The following SPRYD3 variants were observed in gnomAD, a reference collection of about 807,000 sequenced individuals.
SPRYD3 encodes SPRY domain containing 3, also known as SPRY domain-containing protein 3.
SPRYD3 carries 17 observed loss-of-function variants against 50.1 expected under a neutral mutation model. The observed-to-expected ratio is 0.34, with a 90% confidence interval of 0.23 to 0.51. SPRYD3 has a LOEUF of 0.51. SPRYD3 is among the 20% of genes least tolerant of loss of function. The probability of loss-of-function intolerance (pLI) is 0.97; values close to 1 mark genes in which losing one functional copy is unlikely to be tolerated. For missense variants in SPRYD3, 401 were observed against 591.2 expected (o/e 0.68, Z 3.34); for synonymous variants, 198 against 215.5 (o/e 0.92, Z 0.71).
Position 53,073,287 on chromosome 12 carries a change from G to A in SPRYD3, c.692C>T (p.Thr231Ile). The change falls in exon 6 of 11, where the codon ACT becomes ATT. Residue 231 changes from threonine (T) to isoleucine (I), a missense_variant and splice_region_variant. Transcript: ENST00000301463. ...CCCACCCTCCCACCCGCTACTTACA[G>A]TCCCACAGACTCTGACATCATGTAG... is the stretch of plus-strand genomic sequence containing the variant. ...GRLHDVRVCG[T>I]LLEYLGKGKS... 2.6e-6 allele frequency: 1 copy of A among 381,698 alleles called. No individual in the cohort carries two copies. The allele number at this position is 381,698 out of a possible 1,614,324, so 23.6% of individuals were successfully genotyped here.
chr12:53,068,110 AC>A, intron 7 of SPRYD3, 44 bp downstream of exon 7: 1 of 1,612,010 alleles, frequency 6.2e-7, no homozygotes, highest in Non-Finnish European at 8.5e-7. Flanking sequence ...ACAGCCCCAG[AC>A]CTGAGCAGCT....
At chr12:53,075,320 C>A in intron 3 of SPRYD3, 101 bp from the exon 4 acceptor site, 2 of 1,276,938 alleles carry the variant, frequency 1.6e-6, no homozygotes, top group Non-Finnish European at 2.2e-6. Flanking sequence ...CGCTGAGGCT[C>A]AAAAAGAAAA....
chr12:53,073,256 G>GCCCCCGGGGGGGGGGGGGGCCCCCC, intron 6 of SPRYD3, 30 bp downstream of exon 6: 1 of 424,134 alleles, frequency 2.4e-6, no homozygotes, highest in Non-Finnish European at 4.4e-6. Flanking sequence ...CTCCGACCCA[G>GCCCCCGGGGGGGGGGGGGGCCCCCC]CCCCTCCCAC....
rs1944613178 is a variant in SPRYD3, at chr12:53,079,186, G to A, written c.23+125C>T. 3.0e-6 allele frequency: 3 copies of A among 1,006,668 alleles called. No individual in the cohort carries two copies. The South Asian group carries it at 4.4e-5, about 15-fold the overall frequency. 62.4% of individuals were successfully genotyped at this position (1,006,668 alleles called of 1,614,324 possible). Reference sequence around the variant, plus strand: ...GGCCGAGGGTGCAGCAACAGAAGAAGCCCAGTGACCAGAGCGCAGGGCCCC... The same window carrying A: ...GGCCGAGGGTGCAGCAACAGAAGAAACCCAGTGACCAGAGCGCAGGGCCCC... On this transcript the variant is annotated intron_variant, in intron 1 of 10. Coordinates refer to ENST00000301463, the MANE Select transcript of SPRYD3 (RefSeq NM_032840.3).
At chr12:53,079,192 T>C in intron 1 of SPRYD3, 119 bp downstream of exon 1, 2 of 1,073,088 alleles carry the variant, frequency 1.9e-6, no homozygotes, top group South Asian at 1.4e-5. Flanking sequence ...AGAAGCCCAG[T>C]GACCAGAGCG....
chr12:53,066,011 C>T, intron 10 of SPRYD3, 45 bp from the exon 11 acceptor site: 2 of 1,591,726 alleles, frequency 1.3e-6, no homozygotes, highest in Non-Finnish European at 1.7e-6. Flanking sequence ...AGGCTGTGGC[C>T]TCTTCCCTGA....
At chr12:53,071,435 A>T (rs377305061) in intron 6 of SPRYD3, among the ~76,000 whole-genome samples, 4 of 152,210 alleles carry the variant, frequency 2.6e-5, no homozygotes, top group Non-Finnish European at 5.9e-5. Context: ...ATGAGGTGAG[A>T]GGCAAGTGCC....
rs1592264449 is a variant in SPRYD3, at chr12:53,068,214, C to T, written c.784G>A (p.Glu262Lys). ...TCTCCAGGGTCCACGATCTCCACCT[C>T]GAAGTAGTGGCTGCGGGTGCTGAGT... The part of the protein sequence containing the change: ...HPLSTRSHYF[E>K]VEIVDPGEKC... Residue 262 changes from glutamate (E) to lysine (K), a missense_variant, in exon 7 of 11, where the codon GAG becomes AAG. Coordinates refer to ENST00000301463, the MANE Select transcript of SPRYD3 (RefSeq NM_032840.3). 4 of 1,614,116 alleles carry T rather than the reference C, an allele frequency of 2.5e-6. No homozygotes were observed. The highest frequency in any genetic ancestry group is 1.7e-6 in the Non-Finnish European group (2 of 1,180,048).
In SPRYD3 at chr12:53,079,388, T is replaced by G. The variant is rs1944616327; in HGVS notation, c.-55A>C. The G allele has an allele frequency of 6.3e-7, 1 of 1,574,990 alleles. No homozygotes were observed. Among genetic ancestry groups the G allele is most frequent in the Non-Finnish European group, 8.6e-7 (1 of 1,160,014 alleles). On this transcript the variant is annotated 5_prime_UTR_variant, in exon 1 of 11. It removes an upstream start codon present in the reference 5' UTR. Transcript: ENST00000301463. ...TCTTCGGCCGCCGCCACCACACACA[T>G]CCGGGTCCCCGCCTTTCCTTCACTC...
chr12:53,073,831 G>A lies in SPRYD3; in HGVS notation c.508-360C>T, dbSNP rs112593746. On this transcript the variant is annotated intron_variant, in intron 5 of 10. Coordinates refer to ENST00000301463, the MANE Select transcript of SPRYD3 (RefSeq NM_032840.3). ...TGCACTCCAGCCTGGGGGACAGAGC[G>A]AGACTCCATTTCAAAAAAAAAAAAA... Among the ~76,000 whole-genome samples, 30 of 141,078 alleles carry A rather than the reference G, an allele frequency of 2.1e-4. 1 individual carries two copies. The highest frequency in any genetic ancestry group is 1.3e-3 in the Admixed American group (18 of 13,500). The allele number at this position is 141,078 out of a possible 152,430, so 92.6% of individuals were successfully genotyped here.
intron 8 of SPRYD3, 43 bp from the exon 9 acceptor site, chr12:53,066,735 G>A (rs746727913): frequency 6.4e-7 from 1 of 1,567,924 alleles, no homozygotes; most frequent in Non-Finnish European, 8.7e-7. Context: ...AGGAAGGAGG[G>A]CTGACACCAC....
chr12:53,076,748 G>A (rs1944591058), intron 2 of SPRYD3, among the ~76,000 whole-genome samples: 1 of 152,110 alleles, frequency 6.6e-6, no homozygotes, highest in African/African-American at 2.4e-5. Flanking sequence ...AGGAGTTCAA[G>A]ACCTGCCTGG....
intron 6 of SPRYD3, among the ~76,000 whole-genome samples, chr12:53,069,044 G>A (rs1205552809): frequency 6.6e-6 from 1 of 152,114 alleles, no homozygotes; most frequent in African/African-American, 2.4e-5. Context: ...TAGGGGCGTG[G>A]AGGTAGGATA....
rs986745251 is a variant in SPRYD3 at position 53,074,194 on chromosome 12, G to A, written c.507+455C>T. On this transcript the variant is annotated intron_variant, in intron 5 of 10. Transcript: ENST00000301463. The surrounding 1 kb of genome is among the most constrained non-coding windows in gnomAD (Gnocchi z 4.6). ...GGCTCCTGTCCCATCTCCTCACCAC[G>A]CCTAGTCTCTCTACGAACAGGATAG... 8.5e-5 allele frequency among the ~76,000 whole-genome samples: 13 copies of A among 152,116 alleles called. No individual in the cohort carries two copies. Among genetic ancestry groups the A allele is most frequent in the African/African-American group, 2.7e-4 (11 of 41,408 alleles).
Position 53,075,107 on chromosome 12 carries a change from G to A in SPRYD3, c.359C>T (p.Ala120Val). ...GGAGCCAACTCACTTGCCATCATCA[G>A]CATGGTAGGCTACAGAGTCAGGCAA... Reference protein sequence around the residue: ...GWLPDSVAYHADDGKLYNGRA... With the variant: ...GWLPDSVAYHVDDGKLYNGRA... Residue 120 changes from alanine (A) to valine (V), a missense_variant, in exon 4 of 11, where the codon GCT (alanine) becomes GTT (valine). Physicochemically the swap from Ala to Val is moderately conservative, Grantham distance 64. Transcript: ENST00000301463. The A allele has an allele frequency of 1.9e-6, 3 of 1,613,218 alleles. No individual in the cohort carries two copies. Among genetic ancestry groups the A allele is most frequent in the Non-Finnish European group, 2.5e-6 (3 of 1,179,200 alleles).
Position 53,066,834 on chromosome 12 carries a change from C to T in SPRYD3, c.902-142G>A, listed in dbSNP as rs555304849. On this transcript the variant is annotated intron_variant, in intron 8 of 10. Transcript: ENST00000301463. Reference sequence around the variant, plus strand: ...CGGAAACAAAGATGGAGAGAGAGGCCGGGCGCGGTGGCTCACGCCTGGAAT... The same window carrying T: ...CGGAAACAAAGATGGAGAGAGAGGCTGGGCGCGGTGGCTCACGCCTGGAAT... 49 of 1,118,306 alleles carry T rather than the reference C, an allele frequency of 4.4e-5. No homozygotes were observed. In the African/African-American group the frequency reaches 5.2e-4, roughly 12 times the overall value. 69.3% of individuals were successfully genotyped at this position (1,118,306 alleles called of 1,614,324 possible).
At chr12:53,068,418 G>T in intron 6 of SPRYD3, 114 bp from the exon 7 acceptor site, 1 of 1,220,380 alleles carries the variant, frequency 8.2e-7, no homozygotes, top group Non-Finnish European at 1.2e-6. Flanking sequence ...ACTCCTGGCT[G>T]AAAGGGAAAG....
In SPRYD3 at chr12:53,073,286, A is replaced by C; in HGVS notation, c.693T>G (p.Thr231=). 8 of 384,504 alleles carry C rather than the reference A, an allele frequency of 2.1e-5. No individual in the cohort carries two copies. Among genetic ancestry groups the C allele is most frequent in the Non-Finnish European group, 3.7e-5 (8 of 217,568 alleles). The allele number at this position is 384,504 out of a possible 1,614,324, so 23.8% of individuals were successfully genotyped here. A position where few individuals can be genotyped will look rare whatever the true frequency, so the allele number is the denominator to read the frequency against. ...TCCCACCCTCCCACCCGCTACTTAC[A>C]GTCCCACAGACTCTGACATCATGTA... ...GRLHDVRVCG[T]LLEYLGKGKS... Residue 231 remains threonine (T), a splice_region_variant and synonymous_variant, in exon 6 of 11, where the codon ACT becomes ACG. Coordinates refer to ENST00000301463, the MANE Select transcript of SPRYD3 (RefSeq NM_032840.3).
At chr12:53,068,508 C>T (rs1944526217) in intron 6 of SPRYD3, among the ~76,000 whole-genome samples, 1 of 152,216 alleles carries the variant, frequency 6.6e-6, no homozygotes, top group Non-Finnish European at 1.5e-5. Flanking sequence ...AAGGGGAGAG[C>T]ACCCCTTGCT....
Sources: gnomAD v4.1 joint callset for allele counts (sites outside exome capture counted in the v4.1 genomes callset) on GRCh38, gnomAD v4.1.1 for gene constraint, Gnocchi (gnomAD v3.1) non-coding constraint, MANE v1.5 for transcripts, NCBI Gene and HGNC (gene_info 2026-07-23, HGNC 2026-07-21) for gene names.